Variants in HTR2C observed in about 807,000 individuals in gnomAD.
HTR2C encodes the protein 5-hydroxytryptamine (serotonin) receptor 2C, G protein-coupled.
Under a neutral mutation model 21.0 loss-of-function variants are expected in HTR2C, and 5 were observed. The ratio of observed to expected loss-of-function variants is 0.24; its 90% CI spans 0.12 to 0.50. HTR2C has a LOEUF of 0.50. Ranked by LOEUF, HTR2C falls within the 20% of genes least tolerant of loss-of-function variation. The pLI, the probability that HTR2C is intolerant of heterozygous loss-of-function variation, is 0.98. For missense variants in HTR2C, 271 were observed against 371.2 expected, an observed-to-expected ratio of 0.73 and a Z score of 2.22; for synonymous variants, 150 against 145.3, an observed-to-expected ratio of 1.03 and a Z score of -0.23.
chrX:114,804,934 A>G (rs782460659), intron 4 of HTR2C, among the ~76,000 whole-genome samples: 13 of 111,764 alleles, frequency 1.2e-4, no homozygotes, highest in Non-Finnish European at 2.3e-4. Context: ...TTCAAGTGTT[A>G]TGAAGATTTT....
chrX:114,663,241 T>C (rs1602672204), intron 2 of HTR2C, among the ~76,000 whole-genome samples: 1 of 111,117 alleles, frequency 9.0e-6, no homozygotes, highest in Non-Finnish European at 1.9e-5. Context: ...TAGAACCTAA[T>C]GAAATACTTA....
chrX:114,877,396 C>T (rs955628184), intron 5 of HTR2C, among the ~76,000 whole-genome samples: 15 of 110,435 alleles, frequency 1.4e-4, no homozygotes, highest in Admixed American at 9.7e-5. Context: ...TTCAAAAATC[C>T]AACACTGTTT....
chrX:114,590,257 G>A (rs932984159), intron 1 of HTR2C, among the ~76,000 whole-genome samples: 1 of 111,907 alleles, frequency 8.9e-6, no homozygotes, highest in African/African-American at 3.2e-5. Context: ...CTTTTTAAAA[G>A]TAGGTTTTTA....
At chrX:114,711,264 C>T (rs2147321356) in intron 2 of HTR2C, among the ~76,000 whole-genome samples, 1 of 111,370 alleles carries the variant, frequency 9.0e-6, no homozygotes, top group Non-Finnish European at 1.9e-5. Context: ...GCCCCAATAT[C>T]AGCAGATTGT....
Position 114,891,424 on chromosome X carries a change from T to C in HTR2C, c.551-15165T>C, listed in dbSNP as rs150191143. 3.5e-3 allele frequency among the ~76,000 whole-genome samples: 383 copies of C among 110,135 alleles called. 2 individuals carry two copies. The East Asian group carries it at 0.045, about 13-fold the overall frequency. ...ATTGTGAAGATTATTGTTTTTTATA[T>C]CTAGTAGGTATTTAACTTTCTGGAC... On this transcript the variant is annotated intron_variant, in intron 5 of 5. Coordinates refer to ENST00000276198, the MANE Select transcript of HTR2C (RefSeq NM_000868.4).
intron 2 of HTR2C, among the ~76,000 whole-genome samples, chrX:114,700,004 A>G (rs1192503319): frequency 7.1e-5 from 8 of 112,118 alleles, no homozygotes; most frequent in African/African-American, 2.3e-4. Context: ...TAGATTTGAA[A>G]GAAAATATGA....
intron 1 of HTR2C, among the ~76,000 whole-genome samples, chrX:114,601,632 T>C (rs1164794232): frequency 9.1e-6 from 1 of 109,981 alleles, no homozygotes; most frequent in Non-Finnish European, 1.9e-5. Flanking sequence ...TTCACTTCTT[T>C]TGTGATTCTT....
chrX:114,752,683 C>A (rs1556428428), intron 4 of HTR2C, among the ~76,000 whole-genome samples: 4 of 110,755 alleles, frequency 3.6e-5, no homozygotes, highest in African/African-American at 1.3e-4. Flanking sequence ...ACTGAAGTCA[C>A]AATATCACCC....
At chrX:114,865,686 G>A (rs782436291) in intron 5 of HTR2C, among the ~76,000 whole-genome samples, 98 of 111,659 alleles carry the variant, frequency 8.8e-4, no homozygotes, top group South Asian at 7.0e-3. Flanking sequence ...TAGGGTAAAA[G>A]TGTCTGGTTG....
intron 4 of HTR2C, among the ~76,000 whole-genome samples, chrX:114,788,411 T>G (rs1253016992): frequency 1.8e-5 from 2 of 109,685 alleles, no homozygotes; most frequent in African/African-American, 6.6e-5. Context: ...GAGGTGTCCA[T>G]CAGCTGCCCA....
At chrX:114,874,301 C>G (rs1183659351) in intron 5 of HTR2C, among the ~76,000 whole-genome samples, 1 of 110,967 alleles carries the variant, frequency 9.0e-6, no homozygotes, top group African/African-American at 3.3e-5. Flanking sequence ...GTATATATCC[C>G]GTAGTGGGAT....
intron 2 of HTR2C, among the ~76,000 whole-genome samples, chrX:114,646,787 T>C (rs1258165932): frequency 8.9e-6 from 1 of 112,401 alleles, no homozygotes; most frequent in Non-Finnish European, 1.9e-5. Context: ...AGTTTTACAG[T>C]TTCAAGTCTT....
At chrX:114,601,638 T>A (rs1556394462) in intron 1 of HTR2C, among the ~76,000 whole-genome samples, 1 of 110,160 alleles carries the variant, frequency 9.1e-6, no homozygotes, top group East Asian at 2.9e-4. Context: ...TCTTTTGTGA[T>A]TCTTCAGTTA....
chrX:114,714,215 A>T (rs1284929812), intron 2 of HTR2C, among the ~76,000 whole-genome samples: 1 of 111,700 alleles, frequency 9.0e-6, no homozygotes, highest in Non-Finnish European at 1.9e-5. Flanking sequence ...TCCATAAATA[A>T]ACAAAATGGT....
chrX:114,711,714 A>G (rs1419801834), intron 2 of HTR2C, among the ~76,000 whole-genome samples: 19 of 112,056 alleles, frequency 1.7e-4, no homozygotes, highest in East Asian at 8.4e-4. Flanking sequence ...GAATCCTGCC[A>G]TTTATCAGAA....
intron 5 of HTR2C, among the ~76,000 whole-genome samples, chrX:114,894,482 T>C (rs1241827608): frequency 1.8e-5 from 2 of 110,129 alleles, no homozygotes; most frequent in Admixed American, 9.8e-5. Flanking sequence ...TAAAGAGTCA[T>C]TTTTTGGGGT....
chrX:114,867,240 A>G (rs782146469), intron 5 of HTR2C, among the ~76,000 whole-genome samples: 18 of 111,226 alleles, frequency 1.6e-4, no homozygotes, highest in Non-Finnish European at 3.0e-4. Flanking sequence ...TTCGATTTCC[A>G]TTTCTCTGAT....
At chrX:114,862,650 T>G (rs1556473357) in intron 5 of HTR2C, among the ~76,000 whole-genome samples, 1 of 110,988 alleles carries the variant, frequency 9.0e-6, no homozygotes, top group African/African-American at 3.3e-5. Context: ...ATATAATAGT[T>G]GTACATATTT....
chrX:114,884,442 TCAAA>T (rs2071205251), intron 5 of HTR2C, among the ~76,000 whole-genome samples: 1 of 111,140 alleles, frequency 9.0e-6, no homozygotes, highest in African/African-American at 3.3e-5. Flanking sequence ...TGTAAGGAAC[TCAAA>T]CAATTCAATG....
Sources: allele counts gnomAD v4.1 joint callset (sites outside exome capture counted in the v4.1 genomes callset), GRCh38; gene constraint gnomAD v4.1.1; transcripts MANE v1.5; gene names NCBI Gene and HGNC (gene_info 2026-07-23, HGNC 2026-07-21).